Variants in NLGN1 observed in about 807,000 individuals in gnomAD.
The protein encoded by NLGN1 is neuroligin 1.
In NLGN1, 12 loss-of-function variants were observed where a neutral mutation model predicts 65.5. The observed-to-expected ratio is 0.18, with a 90% confidence interval of 0.12 to 0.30. NLGN1 has a LOEUF of 0.30. Ranked by LOEUF, NLGN1 falls within the 10% of genes least tolerant of loss-of-function variation. The probability of loss-of-function intolerance (pLI) is 1.00; values close to 1 mark genes in which losing one functional copy is unlikely to be tolerated. For synonymous variants in NLGN1, 350 were observed against 359.5 expected, an observed-to-expected ratio of 0.97 and a Z score of 0.30; for missense variants, 750 against 1,007.1, an observed-to-expected ratio of 0.74 and a Z score of 3.46.
At chr3:174,154,652 G>C (rs1383127608) in intron 4 of NLGN1, among the ~76,000 whole-genome samples, 1 of 151,754 alleles carries the variant, frequency 6.6e-6, no homozygotes, top group African/African-American at 2.4e-5. Flanking sequence ...AGATAAGTCA[G>C]ACTTTGTGCA....
chr3:174,099,213 A>G (rs1711835013), intron 4 of NLGN1, among the ~76,000 whole-genome samples: 1 of 152,238 alleles, frequency 6.6e-6, no homozygotes, highest in Admixed American at 6.5e-5. Context: ...TATACATTGA[A>G]GATGATAAAC....
At chr3:173,474,150 T>G (rs2148938534) in intron 2 of NLGN1, among the ~76,000 whole-genome samples, 1 of 152,214 alleles carries the variant, frequency 6.6e-6, no homozygotes, top group African/African-American at 2.4e-5. Context: ...TTCCTTTTCC[T>G]TCTGTTTTTC....
chr3:173,696,945 T>C (rs1348418598), intron 3 of NLGN1, among the ~76,000 whole-genome samples: 2 of 152,190 alleles, frequency 1.3e-5, no homozygotes, highest in African/African-American at 4.8e-5. Context: ...ATTCAGATTT[T>C]TATGAAGAAA....
chr3:173,624,615 TA>T (rs1754546181), intron 3 of NLGN1, among the ~76,000 whole-genome samples: 1 of 152,092 alleles, frequency 6.6e-6, no homozygotes. Context: ...TTGTATATCT[TA>T]GTTTTATCTG....
At chr3:173,748,580 A>G (rs914361628) in intron 3 of NLGN1, among the ~76,000 whole-genome samples, 10 of 152,154 alleles carry the variant, frequency 6.6e-5, no homozygotes, top group African/African-American at 2.2e-4. Flanking sequence ...AATTGGCCTC[A>G]TGGTGACTGC....
chr3:174,002,053 T>TA (rs1453983845), intron 4 of NLGN1, among the ~76,000 whole-genome samples: 8 of 143,186 alleles, frequency 5.6e-5, no homozygotes, highest in African/African-American at 1.8e-4. Flanking sequence ...CTAGACAGAT[T>TA]TAAAAAAAAA....
chr3:173,925,381 A>G (rs1742813185), intron 4 of NLGN1, among the ~76,000 whole-genome samples: 1 of 152,162 alleles, frequency 6.6e-6, no homozygotes. Flanking sequence ...CCTTCTGACA[A>G]ATGAGCTCAA....
intron 3 of NLGN1, among the ~76,000 whole-genome samples, chr3:173,719,364 T>A (rs953536196): frequency 6.6e-6 from 1 of 152,212 alleles, no homozygotes; most frequent in African/African-American, 2.4e-5. Context: ...TTTCCTGCCC[T>A]AAGCTCTAGA....
intron 4 of NLGN1, among the ~76,000 whole-genome samples, chr3:174,265,763 C>CTATATATATATGTGTATATATATA (rs1298436001): frequency 1.7e-4 from 21 of 125,640 alleles, no homozygotes; most frequent in African/African-American, 6.7e-4. Flanking sequence ...ACTAAGAAGG[C>CTATATATATATGTGTATATATATA]TATATATATA....
chr3:173,425,047 T>C (rs909937800), intron 1 of NLGN1, among the ~76,000 whole-genome samples: 5 of 152,000 alleles, frequency 3.3e-5, no homozygotes, highest in African/African-American at 9.7e-5. Flanking sequence ...AAACTTACAA[T>C]TGTGGTGGAA....
At chr3:174,074,930 G>A (rs1740606979) in intron 4 of NLGN1, among the ~76,000 whole-genome samples, 1 of 152,176 alleles carries the variant, frequency 6.6e-6, no homozygotes, top group African/African-American at 2.4e-5. Context: ...GTGATTGCTA[G>A]TATATAACAG....
chr3:173,492,282 G>T (rs1729303319), intron 2 of NLGN1, among the ~76,000 whole-genome samples: 1 of 151,796 alleles, frequency 6.6e-6, no homozygotes, highest in African/African-American at 2.4e-5. Flanking sequence ...CCCTGCATCT[G>T]CATTCGATAA....
chr3:173,797,084 A>G (rs536774591), intron 3 of NLGN1, among the ~76,000 whole-genome samples: 27 of 152,258 alleles, frequency 1.8e-4, no homozygotes, highest in African/African-American at 6.3e-4. Context: ...CAGCAGGGGA[A>G]GAGGGAATCT....
chr3:173,433,934 A>T (rs1348205827), intron 1 of NLGN1, among the ~76,000 whole-genome samples: 1 of 152,178 alleles, frequency 6.6e-6, no homozygotes, highest in Non-Finnish European at 1.5e-5. Context: ...TTTGTTTATG[A>T]TTTACTATAT....
intron 4 of NLGN1, among the ~76,000 whole-genome samples, chr3:174,016,243 A>G (rs891471798): frequency 1.2e-4 from 18 of 152,218 alleles, no homozygotes; most frequent in African/African-American, 4.3e-4. Flanking sequence ...GAAGACCGTT[A>G]GAGTGAGCAT....
chr3:173,747,820 T>C (rs1775737021), intron 3 of NLGN1, among the ~76,000 whole-genome samples: 2 of 132,120 alleles, frequency 1.5e-5, no homozygotes, highest in Non-Finnish European at 3.2e-5. Flanking sequence ...TTTTTTTTTT[T>C]TTTTTTTTTT....
intron 4 of NLGN1, among the ~76,000 whole-genome samples, chr3:174,256,763 AGATG>A (rs1745848336): frequency 6.6e-6 from 1 of 152,224 alleles, no homozygotes; most frequent in Non-Finnish European, 1.5e-5. Context: ...AGTCAATTCA[AGATG>A]GATTAAAGAC....
At chr3:173,446,951 A>G (rs1720475625) in intron 2 of NLGN1, among the ~76,000 whole-genome samples, 1 of 152,028 alleles carries the variant, frequency 6.6e-6, no homozygotes. Flanking sequence ...TTCATTGTAG[A>G]TTCTGGATAT....
At chr3:174,268,972 T>C (rs892366286) in intron 4 of NLGN1, among the ~76,000 whole-genome samples, 1 of 151,826 alleles carries the variant, frequency 6.6e-6, no homozygotes, top group East Asian at 1.9e-4. Flanking sequence ...TTTTTTTTTT[T>C]CCAAAGGATA....
Sources: allele counts gnomAD v4.1 joint callset (sites outside exome capture counted in the v4.1 genomes callset), GRCh38; gene constraint gnomAD v4.1.1; transcripts MANE v1.5; gene names NCBI Gene and HGNC (gene_info 2026-07-23, HGNC 2026-07-21).